Variants in BEND3 observed in about 807,000 individuals in gnomAD.
BEND3 encodes BEN domain-containing protein 3.
In BEND3, 13 loss-of-function variants were observed where a neutral mutation model predicts 60.1. The ratio of observed to expected loss-of-function variants is 0.22; its 90% CI spans 0.14 to 0.34. BEND3 has a LOEUF of 0.34. Ranked by LOEUF, BEND3 falls within the 10% of genes least tolerant of loss-of-function variation. BEND3 has a pLI of 1.00. For missense variants in BEND3, 896 were observed against 1,138.1 expected, an observed-to-expected ratio of 0.79 and a Z score of 3.06; for synonymous variants, 497 against 491.5, an observed-to-expected ratio of 1.01 and a Z score of -0.15.
chr6:107,091,536 T>A (rs1775474850), intron 3 of BEND3, among the ~76,000 whole-genome samples: 1 of 152,112 alleles, frequency 6.6e-6, no homozygotes, highest in Non-Finnish European at 1.5e-5. Context: ...CAACTCTATG[T>A]CCACAAATTT....
intron 3 of BEND3, among the ~76,000 whole-genome samples, chr6:107,093,460 CAAA>C (rs1243951286): frequency 6.1e-5 from 6 of 98,742 alleles, no homozygotes; most frequent in Non-Finnish European, 6.2e-5. Flanking sequence ...GACTCCGTCT[CAAA>C]AAAAAAAAAA....
At chr6:107,106,348 G>A (rs1554237475) in intron 1 of BEND3, among the ~76,000 whole-genome samples, 2 of 152,202 alleles carry the variant, frequency 1.3e-5, no homozygotes, top group African/African-American at 4.8e-5. Context: ...AGGACTTCAG[G>A]AGACTCCCGG....
chr6:107,090,317 C>A (rs1775448787), intron 3 of BEND3, among the ~76,000 whole-genome samples: 2 of 152,104 alleles, frequency 1.3e-5, no homozygotes, highest in Non-Finnish European at 2.9e-5. Context: ...CCACTGCACT[C>A]CAGCCTGGAC....
At chr6:107,097,063 A>G (rs1775600091) in intron 3 of BEND3, among the ~76,000 whole-genome samples, 1 of 152,186 alleles carries the variant, frequency 6.6e-6, no homozygotes, top group Non-Finnish European at 1.5e-5. Flanking sequence ...TATGTGAATT[A>G]TATCTTAATA....
At chr6:107,114,879 TG>T (rs1222115286) in intron 1 of BEND3, among the ~76,000 whole-genome samples, 1 of 148,826 alleles carries the variant, frequency 6.7e-6, no homozygotes, top group Non-Finnish European at 1.5e-5. Context: ...GGCGAGCCCG[TG>T]GGCGCCCGGC....
intron 3 of BEND3, among the ~76,000 whole-genome samples, chr6:107,093,460 C>CAAA (rs1243951286): frequency 2.0e-5 from 2 of 98,748 alleles, no homozygotes; most frequent in Non-Finnish European, 4.1e-5. Flanking sequence ...GACTCCGTCT[C>CAAA]AAAAAAAAAA....
chr6:107,075,145 G>C (rs1469792724), intron 3 of BEND3, among the ~76,000 whole-genome samples: 1 of 151,902 alleles, frequency 6.6e-6, no homozygotes, highest in Non-Finnish European at 1.5e-5. Context: ...AGGATCACTT[G>C]AGTCTTGGAG....
intron 3 of BEND3, among the ~76,000 whole-genome samples, chr6:107,092,150 G>A (rs184474858): frequency 2.0e-5 from 3 of 151,938 alleles, no homozygotes; most frequent in African/African-American, 7.3e-5. Flanking sequence ...TCAGCTACTC[G>A]GGAGGCTGAG....
In BEND3 at chr6:107,084,325, G is replaced by A. The variant is rs370407813; in HGVS notation, c.241-13375C>T. Among the ~76,000 whole-genome samples the A allele has an allele frequency of 1.1e-4, 17 of 152,364 alleles. 1 individual carries two copies. In the East Asian group the frequency reaches 2.3e-3, roughly 21 times the overall value. ...CAATCAGCACAGACCCCACACTTTC[G>A]TGGGTTCTACTGAGAGGTGAAGCCA... is the stretch of plus-strand genomic sequence containing the variant. On this transcript the variant is annotated intron_variant, in intron 3 of 3. Coordinates refer to ENST00000369042, the MANE Select transcript of BEND3 (RefSeq NM_001367314.1).
intron 1 of BEND3, among the ~76,000 whole-genome samples, chr6:107,109,611 C>T (rs550430662): frequency 2.7e-4 from 41 of 151,632 alleles, no homozygotes; most frequent in African/African-American, 9.2e-4. Flanking sequence ...CGGTCGCTCA[C>T]GCCTGTAGCC....
At chr6:107,102,202 G>C (rs961031396) in intron 1 of BEND3, among the ~76,000 whole-genome samples, 1 of 152,152 alleles carries the variant, frequency 6.6e-6, no homozygotes, top group Non-Finnish European at 1.5e-5. Flanking sequence ...CATTATATTC[G>C]CCCAACCATG....
chr6:107,092,968 G>C (rs868943301), intron 3 of BEND3, among the ~76,000 whole-genome samples: 1 of 152,108 alleles, frequency 6.6e-6, no homozygotes, highest in African/African-American at 2.4e-5. Context: ...CAAAACTGAT[G>C]AAAGTAATTT....
chr6:107,104,102 G>C (rs1275471680), intron 1 of BEND3, among the ~76,000 whole-genome samples: 1 of 151,484 alleles, frequency 6.6e-6, no homozygotes, highest in Admixed American at 6.6e-5. Flanking sequence ...GGCTAACACG[G>C]TGAAACCCCA....
chr6:107,092,607 T>C (rs570376131), intron 3 of BEND3, among the ~76,000 whole-genome samples: 1 of 152,266 alleles, frequency 6.6e-6, no homozygotes, highest in East Asian at 1.9e-4. Flanking sequence ...TTTTCAATAT[T>C]GTACTGAAGG....
chr6:107,077,650 C>T (rs1269539960), intron 3 of BEND3, among the ~76,000 whole-genome samples: 1 of 152,166 alleles, frequency 6.6e-6, no homozygotes, highest in Non-Finnish European at 1.5e-5. Context: ...TATGAGTGCA[C>T]CTAAGGCTTC....
Position 107,069,303 on chromosome 6 carries a change from C to A in BEND3, c.1888G>T (p.Val630Phe), listed in dbSNP as rs147270081. ...TTGCCCACGAACTCCAGGGTCCAGA[C>A]GCGGTCGTTTTTGGCGCGTGGGTAG... is the stretch of plus-strand genomic sequence containing the variant. Reference protein sequence around the residue: ...LLYPRAKNDRVWTLEFVGKLD... With the variant: ...LLYPRAKNDRFWTLEFVGKLD... The change falls in exon 4 of 4, where the codon GTC becomes TTC. Residue 630 changes from valine to phenylalanine, a missense_variant. Physicochemically the swap from Val to Phe is conservative, Grantham distance 50 (BLOSUM62 -1). Transcript: ENST00000369042. 2.5e-6 allele frequency: 4 copies of A among 1,613,398 alleles called. No individual in the cohort carries two copies. The highest frequency in any genetic ancestry group is 1.7e-5 in the Admixed American group (1 of 59,972).
At chr6:107,085,365 G>T (rs1353233307) in intron 3 of BEND3, among the ~76,000 whole-genome samples, 1 of 152,184 alleles carries the variant, frequency 6.6e-6, no homozygotes, top group Non-Finnish European at 1.5e-5. Context: ...AACCCTACCA[G>T]GTTCTCACAG....
intron 3 of BEND3, among the ~76,000 whole-genome samples, chr6:107,072,645 A>G (rs1775007052): frequency 6.6e-6 from 1 of 152,174 alleles, no homozygotes; most frequent in Non-Finnish European, 1.5e-5. Flanking sequence ...CCAAATAAAC[A>G]GAAAACTTTC....
chr6:107,098,395 C>T (rs887370232), intron 3 of BEND3, among the ~76,000 whole-genome samples, 156 bp downstream of exon 3: 9 of 152,160 alleles, frequency 5.9e-5, no homozygotes, highest in Non-Finnish European at 1.2e-4. Flanking sequence ...CAGACACTTT[C>T]GAGAAACTGA....
Sources: gnomAD v4.1 joint callset for allele counts (sites outside exome capture counted in the v4.1 genomes callset) on GRCh38, gnomAD v4.1.1 for gene constraint, MANE v1.5 for transcripts, NCBI Gene and HGNC (gene_info 2026-07-23, HGNC 2026-07-21) for gene names.